Variants in UGT1A10 observed in about 807,000 individuals in gnomAD.
The protein encoded by UGT1A10 is UDP glucuronosyltransferase family 1 member A10.
UGT1A10 carries 49 observed loss-of-function variants against 45.8 expected under a neutral mutation model. That is an observed-to-expected ratio of 1.07 (90% CI 0.85 to 1.36). The LOEUF is 1.36. UGT1A10 is among the 40% of genes most tolerant of loss of function. The pLI, the probability that UGT1A10 is intolerant of heterozygous loss-of-function variation, is 0.00. For synonymous variants in UGT1A10, 284 were observed against 249.7 expected (o/e 1.14, Z -1.29); for missense variants, 745 against 668.6 (o/e 1.11, Z -1.26).
At chr2:233,758,352 G>C (rs141624801) in intron 1 of UGT1A10, among the ~76,000 whole-genome samples, 5 of 152,316 alleles carry the variant, frequency 3.3e-5, no homozygotes, top group Middle Eastern at 3.4e-3. Context: ...GCATGATGCA[G>C]GAAAGTCATA....
At chr2:233,725,113 T>A (rs1198574402) in intron 1 of UGT1A10, among the ~76,000 whole-genome samples, 1 of 138,758 alleles carries the variant, frequency 7.2e-6, no homozygotes, top group African/African-American at 2.9e-5. Flanking sequence ...GGCAGGGAGG[T>A]TGCAGTGAGC....
chr2:233,679,013 G>A (rs2074435119), intron 1 of UGT1A10, among the ~76,000 whole-genome samples: 1 of 152,118 alleles, frequency 6.6e-6, no homozygotes. Flanking sequence ...CATCTTCAGT[G>A]GTGTAATCCT....
chr2:233,754,931 G>T, intron 1 of UGT1A10: 1 of 1,344,540 alleles, frequency 7.4e-7, no homozygotes, highest in South Asian at 1.1e-5. Context: ...TTCCCAAGAG[G>T]TCAAAGGAGA....
At chr2:233,749,418 G>A (rs971310619) in intron 1 of UGT1A10, among the ~76,000 whole-genome samples, 1 of 151,768 alleles carries the variant, frequency 6.6e-6, no homozygotes, top group Non-Finnish European at 1.5e-5. Flanking sequence ...TAACTACATT[G>A]CTCAAAACTT....
At chr2:233,762,603 G>T (rs890320273) in intron 1 of UGT1A10, among the ~76,000 whole-genome samples, 2 of 152,136 alleles carry the variant, frequency 1.3e-5, no homozygotes, top group Admixed American at 1.3e-4. Context: ...TGTATTCCAG[G>T]AGTTTTGTTG....
intron 1 of UGT1A10, among the ~76,000 whole-genome samples, chr2:233,723,417 T>C (rs2077082381): frequency 7.4e-6 from 1 of 134,694 alleles, no homozygotes; most frequent in African/African-American, 3.0e-5. Flanking sequence ...ACCATACTGG[T>C]CAGGCTGGTC....
chr2:233,701,118 A>G (rs1399584503), intron 1 of UGT1A10, among the ~76,000 whole-genome samples: 1 of 152,168 alleles, frequency 6.6e-6, no homozygotes, highest in East Asian at 1.9e-4. Context: ...CCAGTCTATC[A>G]TTGAGGGACA....
chr2:233,705,222 A>T (rs1400550226), intron 1 of UGT1A10, among the ~76,000 whole-genome samples: 1 of 152,060 alleles, frequency 6.6e-6, no homozygotes, highest in East Asian at 1.9e-4. Context: ...TACTATTATC[A>T]GTGCTTTTTT....
chr2:233,648,002 T>C, intron 1 of UGT1A10: 23 of 1,606,916 alleles, frequency 1.4e-5, no homozygotes, highest in Non-Finnish European at 1.9e-5. Context: ...CATGAGGTGG[T>C]TGTAGTCAGG....
chr2:233,683,908 G>C (rs2074655994), intron 1 of UGT1A10, among the ~76,000 whole-genome samples: 1 of 152,088 alleles, frequency 6.6e-6, no homozygotes, highest in Admixed American at 6.6e-5. Context: ...TTTTGGCGGA[G>C]CATATAGTTC....
At chr2:233,719,049 C>T in intron 1 of UGT1A10, 1 of 1,614,286 alleles carries the variant, frequency 6.2e-7, no homozygotes, top group South Asian at 1.1e-5. Flanking sequence ...ATTTTTCACC[C>T]TGACAGCCTA....
chr2:233,661,623 T>TTTTCTTCCTTTC (rs1553602623), intron 1 of UGT1A10, among the ~76,000 whole-genome samples: 2 of 123,952 alleles, frequency 1.6e-5, no homozygotes, highest in African/African-American at 6.4e-5. Context: ...ACTTACTGAA[T>TTTTCTTCCTTTC]TTTCTTTCTT....
chr2:233,761,546 G>A (rs1697796734), intron 1 of UGT1A10, among the ~76,000 whole-genome samples: 1 of 152,224 alleles, frequency 6.6e-6, no homozygotes, highest in Admixed American at 6.5e-5. Flanking sequence ...ATTCTTTGAT[G>A]ATGATAGATC....
At chr2:233,660,742 A>AT (rs1047135944) in intron 1 of UGT1A10, among the ~76,000 whole-genome samples, 13 of 151,896 alleles carry the variant, frequency 8.6e-5, no homozygotes, top group East Asian at 3.9e-4. Context: ...CTTTTGTGGC[A>AT]TTTTTTTTCT....
At chr2:233,684,775 C>T (rs2074700637) in intron 1 of UGT1A10, among the ~76,000 whole-genome samples, 1 of 151,736 alleles carries the variant, frequency 6.6e-6, no homozygotes, top group Non-Finnish European at 1.5e-5. Flanking sequence ...TAAAGAGTGC[C>T]CTTTGGCAAA....
chr2:233,767,903 C>T lies in UGT1A10; in HGVS notation c.1042C>T (p.Leu348Phe), dbSNP rs549391527. 1 of 1,614,178 alleles carries T rather than the reference C, an allele frequency of 6.2e-7. No homozygotes were observed. Among genetic ancestry groups the T allele is most frequent in the Admixed American group, 1.7e-5 (1 of 60,018 alleles). Residue 348 changes from leucine to phenylalanine, a missense_variant, in exon 3 of 5, where the codon CTT becomes TTT. Coordinates refer to ENST00000344644, the MANE Select transcript of UGT1A10 (RefSeq NM_019075.4). ...ATCGAATCTTGCGAACAACACGATA[C>T]TTGTTAAGTGGCTACCCCAAAACGA... Reference protein sequence around the residue: ...RPSNLANNTILVKWLPQNDLL... With the variant: ...RPSNLANNTIFVKWLPQNDLL...
At chr2:233,682,220 GA>G (rs1559339444) in intron 1 of UGT1A10, 2 of 1,614,202 alleles carry the variant, frequency 1.2e-6, no homozygotes, top group South Asian at 2.2e-5. Flanking sequence ...GGTTTTTGCC[GA>G]TGCTCGCTGG....
intron 1 of UGT1A10, among the ~76,000 whole-genome samples, chr2:233,657,193 C>A (rs1467316199): frequency 6.6e-6 from 1 of 152,236 alleles, no homozygotes; most frequent in Non-Finnish European, 1.5e-5. Flanking sequence ...CATCATCTCA[C>A]CTTTCCTGGC....
At chr2:233,729,825 C>A (rs770263678) in intron 1 of UGT1A10, 2 of 1,613,912 alleles carry the variant, frequency 1.2e-6, no homozygotes, top group Non-Finnish European at 1.7e-6. Flanking sequence ...CTTATGCAAG[C>A]CTTGCCTCTG....
Sources: gnomAD v4.1 joint callset for allele counts (sites outside exome capture counted in the v4.1 genomes callset) on GRCh38, gnomAD v4.1.1 for gene constraint, MANE v1.5 for transcripts, NCBI Gene and HGNC (gene_info 2026-07-23, HGNC 2026-07-21) for gene names.